The following MDM1 variants were observed in gnomAD, a reference collection of about 807,000 sequenced individuals.
The protein encoded by MDM1 is stabilizer of axonemal microtubules 6.
MDM1 carries 61 observed loss-of-function variants against 89.1 expected under a neutral mutation model. That is an observed-to-expected ratio of 0.68 (90% CI 0.56 to 0.85). The LOEUF is 0.85. MDM1 is among the 40% of genes least tolerant of loss of function. MDM1 has a pLI of 0.00. For missense variants in MDM1, 820 were observed against 846.5 expected (o/e 0.97, Z 0.39); for synonymous variants, 290 against 294.1 (o/e 0.99, Z 0.14).
intron 13 of MDM1, among the ~76,000 whole-genome samples, chr12:68,302,172 T>C (rs145031000): frequency 6.6e-6 from 1 of 152,208 alleles, no homozygotes; most frequent in East Asian, 1.9e-4. Context: ...ACACCACACA[T>C]AGAAGATCCA....
chr12:68,296,160 A>T (rs116197231), intron 14 of MDM1, among the ~76,000 whole-genome samples: 13,681 of 152,320 alleles, frequency 0.09, 994 homozygotes, highest in African/African-American at 0.2. Flanking sequence ...ATTCATATTG[A>T]ATTCAAGTCT....
rs769601564 is a variant in MDM1, at chr12:68,315,169, C to T, written c.1308G>A (p.Thr436=). Residue 436 remains threonine (T), a synonymous_variant, in exon 10 of 15, where the codon ACG becomes ACA. Coordinates refer to ENST00000682720, the MANE Select transcript of MDM1 (RefSeq NM_001354969.2). ...TGGGAGCTGACACACCCAATTTCTC[C>T]GTGGTATTTTTCTGGGGCTGTTCTT... ...IVEEQPQKNT[T]EKLGVSAPTI... 148 of 1,614,046 alleles carry T rather than the reference C, an allele frequency of 9.2e-5. No homozygotes were observed. The highest frequency in any genetic ancestry group is 1.2e-4 in the Non-Finnish European group (139 of 1,180,042).
chr12:68,326,862 TCTG>T lies in MDM1; in HGVS notation c.290_292del (p.Ala97del), dbSNP rs780331876. The T allele has an allele frequency of 3.1e-6, 5 of 1,614,012 alleles. No homozygotes were observed. On this transcript the variant is annotated inframe_deletion, in exon 3 of 15. Coordinates refer to ENST00000682720, the MANE Select transcript of MDM1 (RefSeq NM_001354969.2). ...TCTTTCTTGAGTAACATCCTTTTGT[TCTG>T]CTTCTTGTGATTTTGGTGTTTCCGG...
Position 68,323,239 on chromosome 12 carries a change from A to G in MDM1, c.635T>C (p.Val212Ala). ...AACAAACTGGCTTTTATTGTGGAAA[A>G]CCTTAAAACAAAAATTATTTTAGTT... ...ETAPAFAANQVFHNKSQFVPP... is the reference protein window; with the variant it reads ...ETAPAFAANQAFHNKSQFVPP... Residue 212 changes from valine (V) to alanine (A), a missense_variant and splice_region_variant, in exon 5 of 15, where the codon GTT becomes GCT. Transcript: ENST00000682720. The G allele has an allele frequency of 6.5e-7, 1 of 1,537,946 alleles. No homozygotes were observed. The highest frequency in any genetic ancestry group is 1.3e-5 in the South Asian group (1 of 78,426).
rs770588294 is a variant in MDM1 at position 68,321,562 on chromosome 12, T to C, written c.868A>G (p.Lys290Glu). The C allele has an allele frequency of 5.0e-6, 8 of 1,613,468 alleles. No homozygotes were observed. Among genetic ancestry groups the C allele is most frequent in the East Asian group, 2.2e-5 (1 of 44,816 alleles). ...TGTTTCCAAGGAGTAAGCTTCCTTT[T>C]AGGCTGGTGTAAGTCTTTTAATTCC... is the stretch of plus-strand genomic sequence containing the variant. ...EMELKDLHQP[K>E]RKLTPWKHQR... Residue 290 changes from lysine (K) to glutamate (E), a missense_variant, in exon 6 of 15, where the codon AAA becomes GAA. By Grantham distance (56) the Lys-to-Glu change is moderately conservative (BLOSUM62 1). Transcript: ENST00000682720.
At chr12:68,315,606 A>G (rs1874383007) in intron 9 of MDM1, among the ~76,000 whole-genome samples, 1 of 152,186 alleles carries the variant, frequency 6.6e-6, no homozygotes, top group Non-Finnish European at 1.5e-5. Context: ...AAGTTCTTCA[A>G]TTACTTTCAC....
intron 1 of MDM1, 130 bp downstream of exon 1, chr12:68,332,098 G>T: frequency 7.6e-7 from 1 of 1,312,656 alleles, no homozygotes; most frequent in Non-Finnish European, 1.1e-6. Context: ...CCCTCGAGCA[G>T]GCCCTGGGGC....
intron 12 of MDM1, among the ~76,000 whole-genome samples, chr12:68,306,363 A>ACCTT: frequency 6.6e-6 from 1 of 152,316 alleles, no homozygotes; most frequent in Middle Eastern, 3.4e-3. Context: ...TAAGGCAAGG[A>ACCTT]ATTTATGACT....
chr12:68,311,630 ACAACTT>A (rs1873705191), intron 12 of MDM1, among the ~76,000 whole-genome samples: 1 of 152,134 alleles, frequency 6.6e-6, no homozygotes. Flanking sequence ...CATCTTTCCA[ACAACTT>A]TCCCCTCACT....
intron 13 of MDM1, among the ~76,000 whole-genome samples, chr12:68,299,233 G>T (rs986890826): frequency 1.3e-5 from 2 of 151,868 alleles, no homozygotes; most frequent in Non-Finnish European, 2.9e-5. Flanking sequence ...ACAAAACAAG[G>T]TTCTATAACA....
chr12:68,323,909 C>G (rs1875589162), intron 4 of MDM1, among the ~76,000 whole-genome samples: 1 of 152,122 alleles, frequency 6.6e-6, no homozygotes, highest in African/African-American at 2.4e-5. Context: ...AGTATAACCT[C>G]AAGGACTTTA....
chr12:68,307,542 G>A (rs543533507), intron 12 of MDM1, among the ~76,000 whole-genome samples: 1 of 152,316 alleles, frequency 6.6e-6, no homozygotes, highest in African/African-American at 2.4e-5. Context: ...TCAGGAGGCT[G>A]AGGTGGGAGG....
At position 68,331,969 on chromosome 12, in the gene MDM1, CTT is replaced by C. The variant is rs559477085; in HGVS notation, c.18+257_18+258del. 1.3e-4 allele frequency: 90 copies of C among 694,450 alleles called. 2 individuals carry two copies. The Middle Eastern group carries it at 6.0e-3, about 46-fold the overall frequency. The allele number at this position is 694,450 out of a possible 1,614,324, so 43.0% of individuals were successfully genotyped here. ...GGGACCTCCTCCCATCTCCACTCCT[CTT>C]GAGTCCCCCTAAGTAAATGTGTCTC... On this transcript the variant is annotated intron_variant, in intron 1 of 14. Transcript: ENST00000682720.
chr12:68,331,245 A>T (rs1876770355), intron 1 of MDM1, 24 bp from the exon 2 acceptor site: 3 of 1,225,902 alleles, frequency 2.4e-6, no homozygotes, highest in Non-Finnish European at 3.6e-6. Context: ...TACACTTTTG[A>T]GTACAGTCCA....
chr12:68,307,407 G>A (rs1185980657), intron 12 of MDM1, among the ~76,000 whole-genome samples: 1 of 152,092 alleles, frequency 6.6e-6, no homozygotes, highest in African/African-American at 2.4e-5. Context: ...AGGCCAAGAA[G>A]GGAGGACTGC....
At chr12:68,295,646 G>A (rs924800891) in intron 14 of MDM1, among the ~76,000 whole-genome samples, 1 of 151,922 alleles carries the variant, frequency 6.6e-6, no homozygotes, top group Non-Finnish European at 1.5e-5. Context: ...CAGAGCACAC[G>A]GCCTATGATT....
In MDM1 at chr12:68,332,274, C is replaced by T. The variant is rs1311699038; in HGVS notation, c.-29G>A. 4 of 1,580,908 alleles carry T rather than the reference C, an allele frequency of 2.5e-6. No homozygotes were observed. The highest frequency in any genetic ancestry group is 3.4e-6 in the Non-Finnish European group (4 of 1,164,436). On this transcript the variant is annotated 5_prime_UTR_variant, in exon 1 of 15. Coordinates refer to ENST00000682720, the MANE Select transcript of MDM1 (RefSeq NM_001354969.2). ...GCCCGGCGCCGGAGCCCCCGCTACT[C>T]CGACAGTTAACTGGAGAAAAAGCTC...
chr12:68,321,075 T>C (rs749891964), intron 7 of MDM1: 15 of 310,326 alleles, frequency 4.8e-5, no homozygotes, highest in Non-Finnish European at 7.6e-5. Context: ...GATACAATTC[T>C]ATAAATTGAC....
chr12:68,331,154 G>A lies in MDM1; in HGVS notation c.86C>T (p.Ser29Phe). The change falls in exon 2 of 15, where the codon TCC becomes TTC. Residue 29 changes from serine to phenylalanine, a missense_variant. Transcript: ENST00000682720. Reference protein sequence around the residue: ...KSYLSESCNSSVGRKYPWAGL... With the variant: ...KSYLSESCNSFVGRKYPWAGL... The stretch of plus-strand genomic sequence containing the variant: ...AGCCCATGGGTACTTTCGCCCCACG[G>A]AGGAATTACAAGACTCGGACAAATA... 1 of 1,612,222 alleles carries A rather than the reference G, an allele frequency of 6.2e-7. No individual in the cohort carries two copies. The highest frequency in any genetic ancestry group is 8.5e-7 in the Non-Finnish European group (1 of 1,178,262).
Sources: allele counts gnomAD v4.1 joint callset (sites outside exome capture counted in the v4.1 genomes callset), GRCh38; gene constraint gnomAD v4.1.1; transcripts MANE v1.5; gene names NCBI Gene and HGNC (gene_info 2026-07-23, HGNC 2026-07-21).